Variants in ATR observed in about 807,000 individuals in gnomAD.
The protein encoded by ATR is ATR checkpoint kinase.
ATR carries 142 observed loss-of-function variants against 305.3 expected under a neutral mutation model. That is an observed-to-expected ratio of 0.47 (90% CI 0.41 to 0.53). The LOEUF (loss-of-function observed/expected upper bound fraction) is 0.53. Ranked by LOEUF, ATR falls within the 20% of genes least tolerant of loss-of-function variation. The pLI, the probability that ATR is intolerant of heterozygous loss-of-function variation, is 0.00. For synonymous variants in ATR, 1,050 were observed against 1,068.1 expected (o/e 0.98, Z 0.33); for missense variants, 2,135 against 3,133.1 (o/e 0.68, Z 7.60).
chr3:142,459,880 A>G (rs577046085), intron 42 of ATR, among the ~76,000 whole-genome samples: 1 of 152,132 alleles, frequency 6.6e-6, no homozygotes, highest in African/African-American at 2.4e-5. Context: ...TGTGAAATCA[A>G]ATAGTTCCAG....
At chr3:142,464,420 C>T (rs2071084441) in intron 41 of ATR, among the ~76,000 whole-genome samples, 1 of 152,190 alleles carries the variant, frequency 6.6e-6, no homozygotes, top group African/African-American at 2.4e-5. Context: ...AGCCACTGCA[C>T]CCAGCCTATT....
intron 1 of ATR, among the ~76,000 whole-genome samples, chr3:142,574,431 C>T (rs1212388547): frequency 7.0e-6 from 1 of 143,542 alleles, no homozygotes; most frequent in Non-Finnish European, 1.5e-5. Flanking sequence ...TATTGAACTC[C>T]AGCCTGAGCA....
At position 142,522,856 on chromosome 3, in the gene ATR, A is replaced by C. The variant is rs375938610; in HGVS notation, c.4153-15T>G. 9.2e-4 allele frequency: 1,445 copies of C among 1,577,812 alleles called. 2 individuals carry two copies. The highest frequency in any genetic ancestry group is 1.1e-3 in the Non-Finnish European group (1,317 of 1,147,420). On this transcript the variant is annotated splice_polypyrimidine_tract_variant and intron_variant, in intron 22 of 46. Transcript: ENST00000350721. ...TCTACTCCAGTCTCAATCAGAAAAA[A>C]AAAAAAGAAAATTCCAGGATAACTG...
intron 36 of ATR, among the ~76,000 whole-genome samples, chr3:142,479,675 C>T (rs1431624103): frequency 6.6e-6 from 1 of 152,212 alleles, no homozygotes; most frequent in Non-Finnish European, 1.5e-5. Context: ...TTATATCCTG[C>T]AGAGTGTTTT....
intron 10 of ATR, among the ~76,000 whole-genome samples, chr3:142,555,080 G>A (rs2034615294): frequency 6.6e-6 from 1 of 151,224 alleles, no homozygotes; most frequent in South Asian, 2.1e-4. Flanking sequence ...TACTAAAAAT[G>A]CAAAAATTTG....
At chr3:142,515,795 T>C (rs559164053) in intron 24 of ATR, among the ~76,000 whole-genome samples, 2 of 152,160 alleles carry the variant, frequency 1.3e-5, no homozygotes, top group African/African-American at 4.8e-5. Context: ...GCCACCCAGG[T>C]ATACTACCAT....
chr3:142,451,236 T>C, intron 46 of ATR: 1 of 1,193,518 alleles, frequency 8.4e-7, no homozygotes, highest in East Asian at 5.7e-5. Flanking sequence ...CAGATGCAGG[T>C]GTGCAAGCTC....
chr3:142,498,068 A>C (rs930712776), intron 32 of ATR, among the ~76,000 whole-genome samples: 18 of 152,210 alleles, frequency 1.2e-4, no homozygotes, highest in Non-Finnish European at 2.1e-4. Flanking sequence ...ACTTAAAAAA[A>C]CAGTGCTATG....
intron 31 of ATR, among the ~76,000 whole-genome samples, 156 bp downstream of exon 31, chr3:142,499,471 T>C (rs1340463927): frequency 1.3e-5 from 2 of 152,078 alleles, no homozygotes; most frequent in Admixed American, 1.3e-4. Flanking sequence ...ATTTTTTGTA[T>C]TTTTAGTAGA....
chr3:142,452,843 T>C lies in ATR; in HGVS notation c.7761+285A>G, dbSNP rs1302182541. ...TGTTGTTCTGTAAGTTCAGGCAATT[T>C]GTACTATAGTTTTTCCTACTGTATC... On this transcript the variant is annotated intron_variant, in intron 46 of 46. Coordinates refer to ENST00000350721, the MANE Select transcript of ATR (RefSeq NM_001184.4). 3.2e-6 allele frequency: 4 copies of C among 1,249,334 alleles called. No homozygotes were observed. In the African/African-American group the frequency reaches 6.1e-5, roughly 19 times the overall value. The allele number at this position is 1,249,334 out of a possible 1,614,324, so 77.4% of individuals were successfully genotyped here. A position where few individuals can be genotyped will look rare whatever the true frequency, so the allele number is the denominator to read the frequency against.
rs1005423503 is a variant in ATR at position 142,512,419 on chromosome 3, T to C, written c.4693A>G (p.Asn1565Asp). 1.9e-6 allele frequency: 3 copies of C among 1,613,798 alleles called. No homozygotes were observed. Among genetic ancestry groups the C allele is most frequent in the Non-Finnish European group, 2.5e-6 (3 of 1,179,874 alleles). Residue 1565 changes from asparagine (N) to aspartate (D), a missense_variant, in exon 27 of 47, where the codon AAT becomes GAT. Coordinates refer to ENST00000350721, the MANE Select transcript of ATR (RefSeq NM_001184.4). ...VLKHDDQHTI[N>D]TQDIASDLCQ... Reference sequence around the variant, plus strand: ...AGATCAGATGCAATGTCTTGGGTATTTATGGTATGCTGATCGTCATGCTTT... The same window carrying C: ...AGATCAGATGCAATGTCTTGGGTATCTATGGTATGCTGATCGTCATGCTTT...
At chr3:142,479,190 C>G (rs1192196369) in intron 36 of ATR, among the ~76,000 whole-genome samples, 2 of 152,124 alleles carry the variant, frequency 1.3e-5, no homozygotes, top group Non-Finnish European at 2.9e-5. Context: ...CATCGATGGT[C>G]TTTACAATTT....
chr3:142,481,979 T>C (rs2030530840), intron 36 of ATR, among the ~76,000 whole-genome samples: 1 of 151,888 alleles, frequency 6.6e-6, no homozygotes, highest in Non-Finnish European at 1.5e-5. Flanking sequence ...TGCACCACCA[T>C]GCCTGGATAA....
chr3:142,497,551 A>G (rs1306518521), intron 32 of ATR, among the ~76,000 whole-genome samples: 2 of 151,056 alleles, frequency 1.3e-5, no homozygotes, highest in Non-Finnish European at 2.9e-5. Flanking sequence ...CAGGTGACAT[A>G]GCAAGACCCC....
intron 25 of ATR, 27 bp downstream of exon 25, chr3:142,515,368 G>C: frequency 4.3e-6 from 7 of 1,613,222 alleles, no homozygotes; most frequent in Non-Finnish European, 5.9e-6. Flanking sequence ...TTTCCATTCA[G>C]TTAACAAACT....
At chr3:142,465,347 C>T (rs976193301) in intron 40 of ATR, 107 bp from the exon 41 acceptor site, 1 of 820,542 alleles carries the variant, frequency 1.2e-6, no homozygotes, top group Non-Finnish European at 1.9e-6. Flanking sequence ...ATATTACCAG[C>T]TATATTATGT....
rs1434993384 is a variant in ATR at position 142,491,883 on chromosome 3, A to C, written c.6078+1249T>G. Among the ~76,000 whole-genome samples the C allele has an allele frequency of 2.0e-5, 3 of 152,136 alleles. No homozygotes were observed. The East Asian group carries it at 5.8e-4, about 29-fold the overall frequency. On this transcript the variant is annotated intron_variant, in intron 35 of 46. Coordinates refer to ENST00000350721, the MANE Select transcript of ATR (RefSeq NM_001184.4). The stretch of plus-strand genomic sequence containing the variant: ...TTTGTTTATGTTCTTAAACTTATGG[A>C]GCCTATATACAATAGCTGTTTTTAA...
intron 18 of ATR, 150 bp from the exon 19 acceptor site, chr3:142,538,775 T>TG: frequency 2.9e-6 from 3 of 1,051,214 alleles, no homozygotes; most frequent in Non-Finnish European, 2.7e-6. Flanking sequence ...GTGCTATATA[T>TG]TCAAATAAAG....
intron 1 of ATR, among the ~76,000 whole-genome samples, chr3:142,574,613 T>C (rs2035380150): frequency 6.6e-6 from 1 of 152,138 alleles, no homozygotes; most frequent in South Asian, 2.1e-4. Context: ...ATATAAAGCT[T>C]AGGCACCTCC....
Sources: gnomAD v4.1 joint callset for allele counts (sites outside exome capture counted in the v4.1 genomes callset) on GRCh38, gnomAD v4.1.1 for gene constraint, MANE v1.5 for transcripts, NCBI Gene and HGNC (gene_info 2026-07-23, HGNC 2026-07-21) for gene names.